Variants in UST observed in about 807,000 individuals in gnomAD.
UST encodes the protein uronyl 2-sulfotransferase.
UST carries 21 observed loss-of-function variants against 45.6 expected under a neutral mutation model. The observed-to-expected ratio is 0.46, with a 90% CI of 0.33 to 0.66. The LOEUF (loss-of-function observed/expected upper bound fraction) is 0.66, where lower values mean the gene tolerates loss of function less well. Among genes scored for constraint, UST ranks in the 30% least tolerant of loss-of-function variants. The probability of loss-of-function intolerance (pLI) is 0.02; values close to 1 mark genes in which losing one functional copy is unlikely to be tolerated. For missense variants in UST, 463 were observed against 512.4 expected (o/e 0.90, Z 0.93); for synonymous variants, 215 against 200.6 (o/e 1.07, Z -0.61).
At chr6:148,827,623 G>GA (rs770301715) in intron 1 of UST, among the ~76,000 whole-genome samples, 1,497 of 124,228 alleles carry the variant, frequency 0.012, 15 homozygotes, top group Admixed American at 0.025. Flanking sequence ...CTCAAAAAAG[G>GA]AAAAAAAAAA....
At chr6:148,785,716 C>T (rs1008718322) in intron 1 of UST, among the ~76,000 whole-genome samples, 1 of 152,082 alleles carries the variant, frequency 6.6e-6, no homozygotes, top group Admixed American at 6.5e-5. Flanking sequence ...CAAGATATTT[C>T]TATATATTTT....
intron 1 of UST, among the ~76,000 whole-genome samples, chr6:148,819,049 T>C (rs2083123339): frequency 6.6e-6 from 1 of 152,208 alleles, no homozygotes; most frequent in Admixed American, 6.5e-5. Context: ...TAATACTCAT[T>C]GAATTTTCAC....
At chr6:148,935,890 T>A (rs894763297) in intron 2 of UST, among the ~76,000 whole-genome samples, 3 of 152,192 alleles carry the variant, frequency 2.0e-5, no homozygotes, top group Admixed American at 1.3e-4. Context: ...CACTTAAGCC[T>A]TCTGGGGACT....
chr6:149,040,430 G>T (rs2115030687), intron 7 of UST, among the ~76,000 whole-genome samples: 1 of 152,262 alleles, frequency 6.6e-6, no homozygotes, highest in Non-Finnish European at 1.5e-5. Context: ...GGCCGGGCGG[G>T]CGGATCACGA....
intron 1 of UST, among the ~76,000 whole-genome samples, chr6:148,865,686 GT>G (rs1562281674): frequency 4.0e-4 from 61 of 151,166 alleles, no homozygotes; most frequent in Non-Finnish European, 6.5e-4. Flanking sequence ...GTGTGTGTGT[GT>G]GTGTGTGTGT....
chr6:148,865,472 C>A (rs948913112), intron 1 of UST, among the ~76,000 whole-genome samples: 1 of 151,912 alleles, frequency 6.6e-6, no homozygotes, highest in South Asian at 2.1e-4. Flanking sequence ...TTCTTAAATT[C>A]CTTTTTCTTT....
intron 1 of UST, among the ~76,000 whole-genome samples, chr6:148,756,117 T>C (rs907710400): frequency 6.6e-6 from 1 of 151,668 alleles, no homozygotes; most frequent in Non-Finnish European, 1.5e-5. Flanking sequence ...TTTGGTTTTT[T>C]GTCCTTGTGA....
intron 1 of UST, among the ~76,000 whole-genome samples, chr6:148,855,862 T>C (rs565095413): frequency 1.3e-3 from 200 of 152,290 alleles, no homozygotes; most frequent in Middle Eastern, 3.4e-3. Flanking sequence ...GTGTAAATTA[T>C]ACACACTTGA....
At chr6:148,836,467 G>T (rs939717272) in intron 1 of UST, among the ~76,000 whole-genome samples, 5 of 152,182 alleles carry the variant, frequency 3.3e-5, no homozygotes, top group African/African-American at 1.2e-4. Context: ...ATTCATGATT[G>T]AGATGGTCCA....
intron 1 of UST, among the ~76,000 whole-genome samples, chr6:148,820,739 G>A (rs1777444184): frequency 6.6e-6 from 1 of 151,060 alleles, no homozygotes; most frequent in African/African-American, 2.4e-5. Flanking sequence ...TGTAATCCCA[G>A]CTACTCAGGA....
chr6:149,008,921 C>T lies in UST; in HGVS notation c.682-10218C>T, dbSNP rs189197740. 3.4e-3 allele frequency among the ~76,000 whole-genome samples: 519 copies of T among 152,350 alleles called. 1 individual carries two copies. The highest frequency in any genetic ancestry group is 4.5e-3 in the Non-Finnish European group (308 of 68,038). The stretch of plus-strand genomic sequence containing the variant: ...AAACGCTACCAATGTCAGCACAGCT[C>T]TCCATCAGTTTTTCCTGACTCATCA... On this transcript the variant is annotated intron_variant, in intron 5 of 7. Transcript: ENST00000367463.
intron 7 of UST, among the ~76,000 whole-genome samples, chr6:149,054,060 C>T (rs561667647): frequency 1.3e-3 from 194 of 152,316 alleles, no homozygotes; most frequent in African/African-American, 4.5e-3. Flanking sequence ...ATTCTCACCC[C>T]ATCCCCCCAT....
chr6:148,868,730 C>G (rs1386079596), intron 1 of UST, among the ~76,000 whole-genome samples: 3 of 152,102 alleles, frequency 2.0e-5, no homozygotes, highest in Non-Finnish European at 4.4e-5. Flanking sequence ...TATAACCCCC[C>G]CATCATAAAT....
At chr6:148,939,390 A>G (rs1406906064) in intron 2 of UST, among the ~76,000 whole-genome samples, 1 of 152,214 alleles carries the variant, frequency 6.6e-6, no homozygotes, top group Non-Finnish European at 1.5e-5. Flanking sequence ...AGAGTAGCCA[A>G]AAACAATCTT....
chr6:148,973,369 A>C (rs1383449679), intron 5 of UST, among the ~76,000 whole-genome samples: 1 of 152,210 alleles, frequency 6.6e-6, no homozygotes. Context: ...ACATCTTTTT[A>C]TTTAGGTTGA....
At chr6:148,878,822 G>A (rs1778772019) in intron 1 of UST, among the ~76,000 whole-genome samples, 1 of 151,642 alleles carries the variant, frequency 6.6e-6, no homozygotes, top group Non-Finnish European at 1.5e-5. Context: ...ATGAATGTGG[G>A]GATTATGTAT....
intron 2 of UST, among the ~76,000 whole-genome samples, chr6:148,926,139 T>C (rs1429829222): frequency 6.6e-6 from 1 of 152,222 alleles, no homozygotes; most frequent in African/African-American, 2.4e-5. Flanking sequence ...TGAGATCCTT[T>C]CCACTGACAT....
At chr6:149,068,346 C>T (rs1232118854) in intron 7 of UST, among the ~76,000 whole-genome samples, 1 of 152,202 alleles carries the variant, frequency 6.6e-6, no homozygotes, top group East Asian at 1.9e-4. Context: ...TGAGTTATAG[C>T]CTTGGCCTCA....
intron 7 of UST, among the ~76,000 whole-genome samples, chr6:149,030,490 T>A (rs1455302538): frequency 2.2e-5 from 3 of 138,586 alleles, no homozygotes; most frequent in East Asian, 4.2e-4. Flanking sequence ...AAAAAAAAAA[T>A]TAAAATTAAA....
Sources: gnomAD v4.1 joint callset for allele counts (sites outside exome capture counted in the v4.1 genomes callset) on GRCh38, gnomAD v4.1.1 for gene constraint, MANE v1.5 for transcripts, NCBI Gene and HGNC (gene_info 2026-07-23, HGNC 2026-07-21) for gene names.